RGMB: variants seen among roughly 807,000 people sequenced by gnomAD.
RGMB encodes repulsive guidance molecule BMP co-receptor b.
RGMB carries 16 observed loss-of-function variants against 26.9 expected under a neutral mutation model. That is an observed-to-expected ratio of 0.60 (90% CI 0.40 to 0.90). RGMB has a LOEUF of 0.90. RGMB is among the 40% of genes least tolerant of loss of function. RGMB has a pLI of 0.00. For missense variants in RGMB, 512 were observed against 573.3 expected (o/e 0.89, Z 1.09); for synonymous variants, 225 against 229.3 (o/e 0.98, Z 0.17).
intron 2 of RGMB, among the ~76,000 whole-genome samples, chr5:98,788,649 T>C (rs1251931816): frequency 6.6e-6 from 1 of 152,204 alleles, no homozygotes; most frequent in Non-Finnish European, 1.5e-5. Flanking sequence ...ACCTCTGCTC[T>C]GGCCAAAATC....
In RGMB at chr5:98,793,891, C is replaced by T. The variant is rs1249039910; in HGVS notation, c.*138C>T. 1.0e-4 allele frequency: 69 copies of T among 657,632 alleles called. 1 individual carries two copies. In the East Asian group the frequency reaches 1.9e-3, roughly 18 times the overall value. 40.7% of individuals were successfully genotyped at this position (657,632 alleles called of 1,614,324 possible). A position where few individuals can be genotyped will look rare whatever the true frequency, so the allele number is the denominator to read the frequency against. ...AGGATGTTTGTCCTGGGACACCCAC[C>T]AGATTGTACATACTGTGTTTGGCTG... On this transcript the variant is annotated 3_prime_UTR_variant, in exon 3 of 3. Transcript: ENST00000513185.
upstream of RGMB, chr5:98,769,836 T>C (rs1181903332): frequency 6.6e-6 from 1 of 152,294 alleles, no homozygotes; most frequent in Non-Finnish European, 1.5e-5. Flanking sequence ...CCACATTTGA[T>C]TCTCCACGCC....
rs1747122119 is a variant in RGMB, at chr5:98,796,336, T to TTCCCCC, written c.*2583_*2584insTCCCCC. ...TGTCCTCTTTGTTATGCTTGGAAGC[T>TTCCCCC]CCCCCCCCCCCAACAGTGTGTCGAG... On this transcript the variant is annotated 3_prime_UTR_variant, in exon 3 of 3. Coordinates refer to ENST00000513185, the MANE Select transcript of RGMB (RefSeq NM_001366508.1). 1.1e-5 allele frequency: 1 copy of TTCCCCC among 93,706 alleles called. No individual in the cohort carries two copies. Among genetic ancestry groups the TTCCCCC allele is most frequent in the Non-Finnish European group, 2.3e-5 (1 of 42,716 alleles). The allele number at this position is 93,706 out of a possible 1,614,324, so 5.8% of individuals were successfully genotyped here.
Position 98,793,722 on chromosome 5 carries a change from T to A in RGMB, c.1283T>A (p.Leu428His), listed in dbSNP as rs775484886. ...GGSDLSVSLG[L>H]TCLILIVFL ...AGTGATTTGTCTGTCAGTCTAGGACTCACCTGCTTGATCCTTATCGTGTTT... is the reference window on the plus strand; with the variant it reads ...AGTGATTTGTCTGTCAGTCTAGGACACACCTGCTTGATCCTTATCGTGTTT... The change falls in exon 3 of 3, where the codon CTC (leucine) becomes CAC (histidine). Residue 428 changes from leucine to histidine, a missense_variant. Physicochemically the swap from Leu to His is moderately conservative, Grantham distance 99 (BLOSUM62 -3). Transcript: ENST00000513185. 2 of 1,599,162 alleles carry A rather than the reference T, an allele frequency of 1.3e-6. No homozygotes were observed. Among genetic ancestry groups the A allele is most frequent in the African/African-American group, 2.7e-5 (2 of 74,652 alleles).
At position 98,794,970 on chromosome 5, in the gene RGMB, TA is replaced by T. The variant is rs1270260030; in HGVS notation, c.*1219del. The T allele has an allele frequency of 1.3e-5, 2 of 152,248 alleles. No individual in the cohort carries two copies. The highest frequency in any genetic ancestry group is 3.8e-4 in the East Asian group (2 of 5,202). The allele number at this position is 152,248 out of a possible 1,614,324, so 9.4% of individuals were successfully genotyped here. The stretch of plus-strand genomic sequence containing the variant: ...CACTGCTTAATCCAGATATTCTTGT[TA>T]ACTAAGCATTGTGCTTCCCAGGTGG... On this transcript the variant is annotated 3_prime_UTR_variant, in exon 3 of 3. Transcript: ENST00000513185.
chr5:98,780,985 C>T (rs1207497787), intron 2 of RGMB: 1 of 151,198 alleles, frequency 6.6e-6, no homozygotes, highest in African/African-American at 2.4e-5. Context: ...AACCACAAAA[C>T]CACACACATA....
chr5:98,793,415 C>A lies in RGMB; in HGVS notation c.976C>A (p.Gln326Lys). ...CCTGAGTGAACGCATCGATGACGGG[C>A]AGGGCCAGGTGTCTGCCATCCTGGG... ...CPLSERIDDG[Q>K]GQVSAILGHS... The change falls in exon 3 of 3, where the codon CAG becomes AAG. Residue 326 changes from glutamine (Q) to lysine (K), a missense_variant. Transcript: ENST00000513185. The A allele has an allele frequency of 6.2e-7, 1 of 1,612,478 alleles. No individual in the cohort carries two copies.
chr5:98,785,220 G>A (rs930038602), intron 2 of RGMB, among the ~76,000 whole-genome samples: 1 of 152,168 alleles, frequency 6.6e-6, no homozygotes, highest in Admixed American at 6.5e-5. Flanking sequence ...ATTTGAAACA[G>A]AAGGTACTAA....
chr5:98,791,051 G>A lies in RGMB; in HGVS notation c.646-2034G>A, dbSNP rs775490545. On this transcript the variant is annotated intron_variant, in intron 2 of 2. Coordinates refer to ENST00000513185, the MANE Select transcript of RGMB (RefSeq NM_001366508.1). ...CCAAATAAATCTATTTTATGGTCCC[G>A]TTAGATATCTAGCTCAAAACCCCCA... Among the ~76,000 whole-genome samples, 72 of 152,002 alleles carry A rather than the reference G, an allele frequency of 4.7e-4. 1 individual carries two copies. The highest frequency in any genetic ancestry group is 8.8e-4 in the Non-Finnish European group (60 of 68,014).
At chr5:98,785,141 C>G (rs1746733865) in intron 2 of RGMB, among the ~76,000 whole-genome samples, 1 of 152,132 alleles carries the variant, frequency 6.6e-6, no homozygotes, top group African/African-American at 2.4e-5. Flanking sequence ...GCAGTTACAC[C>G]TCCCTGCTTA....
In RGMB at chr5:98,794,462, C is replaced by T. The variant is rs531833234; in HGVS notation, c.*709C>T. 29 of 152,256 alleles carry T rather than the reference C, an allele frequency of 1.9e-4. No homozygotes were observed. The highest frequency in any genetic ancestry group is 7.0e-4 in the African/African-American group (29 of 41,552). 9.4% of individuals were successfully genotyped at this position (152,256 alleles called of 1,614,324 possible). On this transcript the variant is annotated 3_prime_UTR_variant, in exon 3 of 3. Coordinates refer to ENST00000513185, the MANE Select transcript of RGMB (RefSeq NM_001366508.1). Reference sequence around the variant, plus strand: ...GTTGAACCATAGAAACTGCTATTCTCGTAGGTCAAAAGGGTCTAGTGATGG... The same window carrying T: ...GTTGAACCATAGAAACTGCTATTCTTGTAGGTCAAAAGGGTCTAGTGATGG...
intron 1 of RGMB, among the ~76,000 whole-genome samples, chr5:98,776,263 C>T (rs894094063): frequency 4.6e-5 from 7 of 152,216 alleles, no homozygotes; most frequent in Admixed American, 3.3e-4. Context: ...ACACTGATCA[C>T]AGATAATCTG....
upstream of RGMB, chr5:98,769,731 G>T (rs1828170): frequency 0.91 from 139,124 of 152,630 alleles, 63,466 homozygotes; most frequent in East Asian, 0.98. Flanking sequence ...TCCACCTGTG[G>T]GGTATAAATC....
intron 2 of RGMB, among the ~76,000 whole-genome samples, chr5:98,791,433 G>A (rs907617858): frequency 3.9e-5 from 6 of 152,152 alleles, no homozygotes; most frequent in African/African-American, 1.4e-4. Flanking sequence ...TGGCCGAGTT[G>A]GAGAAAAACT....
In RGMB at chr5:98,793,588, C is replaced by T. The variant is rs1332027576; in HGVS notation, c.1149C>T (p.Asn383=). ...ACCTGCTCACCACTGGTGATGCCAA[C>T]TTTACTGCCGCAGCCCACAGTGCCT... ...VFDLLTTGDA[N]FTAAAHSALE... The change falls in exon 3 of 3, where the codon AAC becomes AAT. Residue 383 remains asparagine (N), a synonymous_variant. Transcript: ENST00000513185. The T allele has an allele frequency of 1.9e-6, 3 of 1,614,032 alleles. No individual in the cohort carries two copies. Among genetic ancestry groups the T allele is most frequent in the Non-Finnish European group, 2.5e-6 (3 of 1,179,900 alleles).
At chr5:98,770,511 G>T, upstream of RGMB, 2 of 551,432 alleles carry the variant, frequency 3.6e-6, no homozygotes, top group Non-Finnish European at 5.7e-6. Flanking sequence ...CTACGAGCGG[G>T]TGATGAGCCC....
intron 1 of RGMB, among the ~76,000 whole-genome samples, 195 bp from the exon 2 acceptor site, chr5:98,779,385 C>G (rs1190067070): frequency 6.6e-6 from 1 of 152,216 alleles, no homozygotes; most frequent in Non-Finnish European, 1.5e-5. Context: ...TAATTGCATG[C>G]AGTTTTTCTT....
rs146142510 is a variant in RGMB at position 98,791,916 on chromosome 5, GTAT to G, written c.646-1163_646-1161del. 7.4e-3 allele frequency among the ~76,000 whole-genome samples: 1,130 copies of G among 152,274 alleles called. 4 individuals carry two copies. Among genetic ancestry groups the G allele is most frequent in the Admixed American group, 9.2e-3 (141 of 15,298 alleles). Reference sequence around the variant, plus strand: ...ATGGGTTTACAAAAGAGAAGCTTTTGTATTATTAGTAATTTTTTTTCTTTGATG... The same window carrying G: ...ATGGGTTTACAAAAGAGAAGCTTTTGTATTAGTAATTTTTTTTCTTTGATG... On this transcript the variant is annotated intron_variant, in intron 2 of 2. Transcript: ENST00000513185.
At chr5:98,779,424 G>A (rs1746515754) in intron 1 of RGMB, among the ~76,000 whole-genome samples, 156 bp from the exon 2 acceptor site, 2 of 152,156 alleles carry the variant, frequency 1.3e-5, no homozygotes, top group Non-Finnish European at 2.9e-5. Flanking sequence ...AAAGACACAG[G>A]AACACAATGA....
Sources: allele counts gnomAD v4.1 joint callset (sites outside exome capture counted in the v4.1 genomes callset), GRCh38; gene constraint gnomAD v4.1.1; transcripts MANE v1.5; gene names NCBI Gene and HGNC (gene_info 2026-07-23, HGNC 2026-07-21).